The following STON2 variants were observed in gnomAD, a reference collection of about 807,000 sequenced individuals.
STON2 encodes the protein stonin 2, also known as stonin-2.
Under a neutral mutation model 65.7 loss-of-function variants are expected in STON2, and 29 were observed. The observed-to-expected ratio is 0.44, with a 90% confidence interval of 0.33 to 0.60. The LOEUF (loss-of-function observed/expected upper bound fraction) is 0.60, where lower values mean the gene tolerates loss of function less well. Ranked by LOEUF, STON2 falls within the 20% of genes least tolerant of loss-of-function variation. The probability of loss-of-function intolerance (pLI) is 0.03; values close to 1 mark genes in which losing one functional copy is unlikely to be tolerated. For missense variants in STON2, 1,054 were observed against 1,118.1 expected (o/e 0.94, Z 0.82); for synonymous variants, 404 against 414.2 (o/e 0.98, Z 0.30).
At chr14:81,294,805 C>G (rs1450078185) in intron 5 of STON2, among the ~76,000 whole-genome samples, 1 of 152,120 alleles carries the variant, frequency 6.6e-6, no homozygotes, top group Non-Finnish European at 1.5e-5. Flanking sequence ...CTCATGGGAA[C>G]ATGAAATAAT....
intron 5 of STON2, among the ~76,000 whole-genome samples, chr14:81,312,163 G>A (rs1206133240): frequency 1.3e-5 from 2 of 152,126 alleles, no homozygotes; most frequent in South Asian, 2.1e-4. Context: ...TTTTCTTTTC[G>A]TGAAATGGTT....
chr14:81,316,915 G>C (rs1451126511), intron 5 of STON2, among the ~76,000 whole-genome samples: 1 of 152,176 alleles, frequency 6.6e-6, no homozygotes, highest in East Asian at 1.9e-4. Context: ...AGCTACATGG[G>C]AGGCTGAGGC....
chr14:81,369,183 C>T (rs1185121954), intron 4 of STON2, among the ~76,000 whole-genome samples: 1 of 152,090 alleles, frequency 6.6e-6, no homozygotes, highest in Non-Finnish European at 1.5e-5. Flanking sequence ...GTAGGTGGTC[C>T]CTTCATTAAG....
At chr14:81,321,449 C>T (rs2140242220) in intron 5 of STON2, among the ~76,000 whole-genome samples, 1 of 151,144 alleles carries the variant, frequency 6.6e-6, no homozygotes, top group African/African-American at 2.4e-5. Flanking sequence ...GGGTATTGTT[C>T]TGAAGGCTTT....
At position 81,277,023 on chromosome 14, in the gene STON2, A is replaced by G; in HGVS notation, c.2459T>C (p.Phe820Ser). Residue 820 changes from phenylalanine (F) to serine (S), a missense_variant, in exon 6 of 8, where the codon TTT becomes TCT. Transcript: ENST00000614646. ...AGAGCCAGAAACACTAGTGGAGCCA[A>G]AACTTGCCCCCCGGTTCACTTTGGC... ...LKAKVNRGAS[F>S]GSTSVSGSEP... 6.2e-7 allele frequency: 1 copy of G among 1,614,220 alleles called. No individual in the cohort carries two copies. Among genetic ancestry groups the G allele is most frequent in the South Asian group, 1.1e-5 (1 of 91,088 alleles).
At chr14:81,420,445 C>T (rs1358528871) in intron 2 of STON2, among the ~76,000 whole-genome samples, 1 of 152,180 alleles carries the variant, frequency 6.6e-6, no homozygotes, top group Non-Finnish European at 1.5e-5. Context: ...ATTCAATAAG[C>T]ATTCAGCATC....
intron 5 of STON2, among the ~76,000 whole-genome samples, chr14:81,293,000 T>C (rs1159573131): frequency 2.0e-5 from 3 of 152,196 alleles, no homozygotes; most frequent in African/African-American, 7.2e-5. Context: ...CTTGCTCAAG[T>C]CTTCATTGAC....
chr14:81,378,066 C>T (rs1899337112), intron 3 of STON2, among the ~76,000 whole-genome samples: 1 of 152,102 alleles, frequency 6.6e-6, no homozygotes, highest in South Asian at 2.1e-4. Flanking sequence ...AGGCTGGTCT[C>T]AAACTCTCGA....
At chr14:81,399,780 C>T (rs952501807) in intron 1 of STON2, among the ~76,000 whole-genome samples, 1 of 152,132 alleles carries the variant, frequency 6.6e-6, no homozygotes, top group Admixed American at 6.6e-5. Flanking sequence ...AAGTGACTTA[C>T]CTAATACTTT....
rs1260525602 is a variant in STON2 at position 81,265,588 on chromosome 14, T to C, written c.*2826A>G. 1 of 373,850 alleles carries C rather than the reference T, an allele frequency of 2.7e-6. No homozygotes were observed. 23.2% of individuals were successfully genotyped at this position (373,850 alleles called of 1,614,324 possible). ...GAGATTTGGGAGGCAGAGGTTGCAA[T>C]GAGCCGAGATCACGCCATTGCACTC... On this transcript the variant is annotated 3_prime_UTR_variant, in exon 8 of 8. Transcript: ENST00000614646.
rs370615522 is a variant in STON2, at chr14:81,417,537, C to T, written c.-199+9565G>A. ...AGTGCCATAGTATCTGAGGTAAGGGCAGAGAAGACCTCAATACATACCCTA... is the reference window on the plus strand; with the variant it reads ...AGTGCCATAGTATCTGAGGTAAGGGTAGAGAAGACCTCAATACATACCCTA... On this transcript the variant is annotated intron_variant, in intron 2 of 8. Coordinates refer to the STON2 transcript ENST00000553821. 1.1e-3 allele frequency among the ~76,000 whole-genome samples: 163 copies of T among 152,248 alleles called. 1 individual carries two copies. The highest frequency in any genetic ancestry group is 3.8e-3 in the African/African-American group (159 of 41,538).
chr14:81,412,067 T>G (rs914305499), intron 2 of STON2, among the ~76,000 whole-genome samples: 1 of 139,648 alleles, frequency 7.2e-6, no homozygotes, highest in African/African-American at 2.9e-5. Context: ...GACCTGGGAA[T>G]AGAGTAGGCA....
chr14:81,397,346 G>A (rs1371024473), intron 2 of STON2, among the ~76,000 whole-genome samples: 1 of 152,052 alleles, frequency 6.6e-6, no homozygotes, highest in African/African-American at 2.4e-5. Flanking sequence ...CACAACAGGA[G>A]AAAGTATTTT....
chr14:81,355,432 A>C (rs1295789636), intron 4 of STON2, among the ~76,000 whole-genome samples: 1 of 152,204 alleles, frequency 6.6e-6, no homozygotes, highest in Non-Finnish European at 1.5e-5. Context: ...GTCCCAATAC[A>C]ACTATAATCA....
At position 81,278,498 on chromosome 14, in the gene STON2, T is replaced by TC; in HGVS notation, c.983dup (p.Ser329IlefsTer3). 1.9e-6 allele frequency: 3 copies of TC among 1,614,220 alleles called. No homozygotes were observed. The highest frequency in any genetic ancestry group is 1.7e-6 in the Non-Finnish European group (2 of 1,180,038). ...TGGGACGGTCCCTCTTCTTAAATGA[T>TC]CCCATTGAATTATAAGGTACATCTG... On this transcript the variant is annotated frameshift_variant, in exon 6 of 8. Transcript: ENST00000614646. LOFTEE classifies it high-confidence loss of function.
chr14:81,341,823 G>A (rs1897625533), intron 4 of STON2, among the ~76,000 whole-genome samples: 1 of 152,168 alleles, frequency 6.6e-6, no homozygotes, highest in Non-Finnish European at 1.5e-5. Context: ...TCTAAATTAT[G>A]CCACAGTAAC....
At chr14:81,288,631 G>A (rs562199956) in intron 5 of STON2, among the ~76,000 whole-genome samples, 147 of 152,322 alleles carry the variant, frequency 9.7e-4, no homozygotes, top group Non-Finnish European at 1.3e-3. Context: ...CGATCAAAGA[G>A]AACTAAACCA....
chr14:81,435,989 A>C (rs999762821), intron 1 of STON2: 2 of 152,334 alleles, frequency 1.3e-5, no homozygotes, highest in Non-Finnish European at 2.9e-5. Flanking sequence ...CGGGCCGATG[A>C]AGACATCCTG....
At chr14:81,303,002 A>G (rs978981576) in intron 5 of STON2, among the ~76,000 whole-genome samples, 2 of 152,078 alleles carry the variant, frequency 1.3e-5, no homozygotes, top group African/African-American at 4.8e-5. Context: ...CTTTTGTTAA[A>G]TGGCTGTTAG....
Sources: allele counts gnomAD v4.1 joint callset (sites outside exome capture counted in the v4.1 genomes callset), GRCh38; gene constraint gnomAD v4.1.1; transcripts MANE v1.5; gene names NCBI Gene and HGNC (gene_info 2026-07-23, HGNC 2026-07-21).